The following CFAP70 variants were observed in gnomAD, a reference collection of about 807,000 sequenced individuals.
CFAP70 encodes cilia and flagella associated protein 70.
In CFAP70, 81 loss-of-function variants were observed where a neutral mutation model predicts 137.6. The ratio of observed to expected loss-of-function variants is 0.59; its 90% CI spans 0.49 to 0.71. The LOEUF (loss-of-function observed/expected upper bound fraction) is 0.71. CFAP70 is among the 30% of genes least tolerant of loss of function. The pLI is 0.00. For missense variants in CFAP70, 976 were observed against 1,226.7 expected, an observed-to-expected ratio of 0.80 and a Z score of 3.05; for synonymous variants, 382 against 423.6, an observed-to-expected ratio of 0.90 and a Z score of 1.20.
intron 9 of CFAP70, among the ~76,000 whole-genome samples, chr10:73,322,075 C>T (rs1403261161): frequency 6.6e-6 from 1 of 152,208 alleles, no homozygotes; most frequent in African/African-American, 2.4e-5. Flanking sequence ...TGAGCCACCA[C>T]ACCCAGTCAC....
Position 73,291,360 on chromosome 10 carries a change from A to G in CFAP70, c.2105T>C (p.Leu702Pro), listed in dbSNP as rs147585064. 49 of 1,614,096 alleles carry G rather than the reference A, an allele frequency of 3.0e-5. No homozygotes were observed. In the African/African-American group the frequency reaches 5.6e-4, roughly 18 times the overall value. Residue 702 changes from leucine (L) to proline (P), a missense_variant, in exon 19 of 27, where the codon CTT (leucine) becomes CCT (proline). Physicochemically the swap from Leu to Pro is moderately conservative, Grantham distance 98. Transcript: ENST00000310715. ...CTTTTGCTTTGTTACTTGTGCCTGA[A>G]GCATCCGTGCCTGAAGCTGTTTGGA... is the stretch of plus-strand genomic sequence containing the variant.
chr10:73,314,488 A>G (rs1324161711), intron 9 of CFAP70, among the ~76,000 whole-genome samples: 1 of 152,256 alleles, frequency 6.6e-6, no homozygotes, highest in Non-Finnish European at 1.5e-5. Context: ...AGTATTTCAT[A>G]TAAGTGGTAT....
At chr10:73,258,944 G>A (rs1477919176) in intron 25 of CFAP70, among the ~76,000 whole-genome samples, 2 of 152,192 alleles carry the variant, frequency 1.3e-5, no homozygotes, top group African/African-American at 2.4e-5. Flanking sequence ...AGTGGGACAT[G>A]AAACTTCATC....
chr10:73,342,840 G>A (rs1355740688), intron 5 of CFAP70, among the ~76,000 whole-genome samples: 1 of 152,146 alleles, frequency 6.6e-6, no homozygotes, highest in African/African-American at 2.4e-5. Flanking sequence ...ACTGTGGGAG[G>A]CCGAGGCGGG....
chr10:73,259,704 A>G (rs969228329), intron 25 of CFAP70, among the ~76,000 whole-genome samples: 2 of 152,226 alleles, frequency 1.3e-5, no homozygotes, highest in East Asian at 1.9e-4. Flanking sequence ...AGTAGCTGCT[A>G]CAATAAGGAA....
intron 7 of CFAP70, among the ~76,000 whole-genome samples, chr10:73,333,651 A>C (rs183242010): frequency 6.6e-6 from 1 of 152,342 alleles, no homozygotes; most frequent in East Asian, 1.9e-4. Flanking sequence ...TCCGTACCTA[A>C]TAAAATTATC....
chr10:73,331,418 G>A, intron 7 of CFAP70, 142 bp from the exon 9 acceptor site: 2 of 630,654 alleles, frequency 3.2e-6, no homozygotes, highest in Non-Finnish European at 5.2e-6. Context: ...AGTGGCTCAT[G>A]CCTGTAAATG....
At chr10:73,268,818 G>T (rs111509438) in intron 25 of CFAP70, among the ~76,000 whole-genome samples, 1 of 151,440 alleles carries the variant, frequency 6.6e-6, no homozygotes, top group African/African-American at 2.4e-5. Flanking sequence ...CCCAACCCTC[G>T]AAAGTAGCTG....
chr10:73,351,077 A>G (rs1203500839), intron 3 of CFAP70, among the ~76,000 whole-genome samples: 33 of 57,580 alleles, frequency 5.7e-4, no homozygotes, highest in East Asian at 3.8e-3. Context: ...GTGTGTATAT[A>G]TATATATATA....
Position 73,256,350 on chromosome 10 carries a change from A to G in CFAP70, c.3075+19T>C, listed in dbSNP as rs368427299. 52 of 1,613,936 alleles carry G rather than the reference A, an allele frequency of 3.2e-5. No homozygotes were observed. Among genetic ancestry groups the G allele is most frequent in the Non-Finnish European group, 4.2e-5 (50 of 1,179,952 alleles). ...CCTTAACATGGGGCAGGCAAATGACAGAGGCATCTGTGTCATACCTTGATC... is the reference window on the plus strand; with the variant it reads ...CCTTAACATGGGGCAGGCAAATGACGGAGGCATCTGTGTCATACCTTGATC... On this transcript the variant is annotated intron_variant, in intron 26 of 26. Coordinates refer to ENST00000310715, the Ensembl canonical transcript of CFAP70.
chr10:73,282,474 A>G (rs1161723491), intron 19 of CFAP70, among the ~76,000 whole-genome samples: 3 of 152,162 alleles, frequency 2.0e-5, no homozygotes. Flanking sequence ...ATGGTACAAA[A>G]CAACAGTCTG....
chr10:73,346,611 C>A (rs539262111), intron 4 of CFAP70, among the ~76,000 whole-genome samples: 1 of 151,692 alleles, frequency 6.6e-6, no homozygotes, highest in Non-Finnish European at 1.5e-5. Context: ...CAATTGCAAA[C>A]CAGGCTGGGC....
Position 73,338,066 on chromosome 10 carries a change from GTGT to G in CFAP70, c.583-2545_583-2543del, listed in dbSNP as rs201970987. ...TAAATGGGGTAACGTTGGTAATTTT[GTGT>G]TGTTTTCTTCTAAAAACATTTGACC... On this transcript the variant is annotated intron_variant, in intron 6 of 26. Coordinates refer to ENST00000310715, the Ensembl canonical transcript of CFAP70. 9.7e-4 allele frequency among the ~76,000 whole-genome samples: 147 copies of G among 151,712 alleles called. 2 individuals are homozygous for G. In the East Asian group the frequency reaches 0.027, roughly 28 times the overall value.
intron 6 of CFAP70, among the ~76,000 whole-genome samples, chr10:73,340,835 G>A (rs991359855): frequency 2.6e-5 from 4 of 152,226 alleles, no homozygotes; most frequent in African/African-American, 7.2e-5. Flanking sequence ...GCAGGAGCAG[G>A]CACTTCCAAG....
chr10:73,354,733 C>T lies in CFAP70; in HGVS notation c.63+1G>A, dbSNP rs775599724. 1 of 1,613,748 alleles carries T rather than the reference C, an allele frequency of 6.2e-7. No homozygotes were observed. The highest frequency in any genetic ancestry group is 8.5e-7 in the Non-Finnish European group (1 of 1,179,774). On this transcript the variant is annotated splice_donor_variant, in intron 2 of 26. Coordinates refer to ENST00000310715, the Ensembl canonical transcript of CFAP70. LOFTEE classifies it high-confidence loss of function. ...TTGTAAATTTCCAAAAGTAACTTTA[C>T]CAAATCATATCCCTCTGTCACGGTG...
intron 23 of CFAP70, among the ~76,000 whole-genome samples, chr10:73,273,593 G>T (rs1185649368): frequency 6.6e-6 from 1 of 152,134 alleles, no homozygotes; most frequent in East Asian, 1.9e-4. Flanking sequence ...GCTTGCCCGG[G>T]GTCTGCCTAA....
At chr10:73,254,719 C>T (rs996073745) in intron 26 of CFAP70, among the ~76,000 whole-genome samples, 34 of 152,096 alleles carry the variant, frequency 2.2e-4, no homozygotes, top group Admixed American at 1.0e-3. Context: ...AGTAGCATGG[C>T]CCCTTTTTCC....
At chr10:73,264,778 GT>G (rs1319958848) in intron 25 of CFAP70, among the ~76,000 whole-genome samples, 1 of 152,106 alleles carries the variant, frequency 6.6e-6, no homozygotes, top group African/African-American at 2.4e-5. Context: ...GTCTAATTAC[GT>G]TATTCATTTG....
intron 8 of CFAP70, among the ~76,000 whole-genome samples, chr10:73,326,999 C>G (rs1348109022): frequency 6.6e-6 from 1 of 151,662 alleles, no homozygotes; most frequent in Non-Finnish European, 1.5e-5. Flanking sequence ...AGGCCAGCAT[C>G]ATCCTGATAC....
Sources: gnomAD v4.1 joint callset for allele counts (sites outside exome capture counted in the v4.1 genomes callset) on GRCh38, gnomAD v4.1.1 for gene constraint, MANE v1.5 for transcripts, NCBI Gene and HGNC (gene_info 2026-07-23, HGNC 2026-07-21) for gene names.